Variants in VWC2L observed in about 807,000 individuals in gnomAD.
VWC2L encodes the protein von Willebrand factor C domain-containing protein 2-like.
In VWC2L, 10 loss-of-function variants were observed where a neutral mutation model predicts 21.6. That is an observed-to-expected ratio of 0.46 (90% confidence interval 0.29 to 0.78). VWC2L has a LOEUF of 0.78. Among genes scored for constraint, VWC2L ranks in the 30% least tolerant of loss-of-function variants. The probability of loss-of-function intolerance (pLI) is 0.10; values close to 1 mark genes in which losing one functional copy is unlikely to be tolerated. For missense variants in VWC2L, 209 were observed against 277.1 expected, an observed-to-expected ratio of 0.75 and a Z score of 1.74; for synonymous variants, 96 against 94.3, an observed-to-expected ratio of 1.02 and a Z score of -0.10.
At chr2:214,450,400 A>C (rs577153722) in intron 3 of VWC2L, among the ~76,000 whole-genome samples, 8 of 152,342 alleles carry the variant, frequency 5.3e-5, no homozygotes, top group African/African-American at 1.4e-4. Context: ...GTATGTGTCT[A>C]AGCACCCATG....
At chr2:214,573,242 TACACAC>T (rs139028593) in intron 3 of VWC2L, among the ~76,000 whole-genome samples, 1 of 151,036 alleles carries the variant, frequency 6.6e-6, no homozygotes, top group African/African-American at 2.4e-5. Context: ...CACATACACA[TACACAC>T]ACACACACAT....
intron 3 of VWC2L, among the ~76,000 whole-genome samples, chr2:214,447,629 G>A (rs1325858059): frequency 6.6e-6 from 1 of 152,134 alleles, no homozygotes; most frequent in Non-Finnish European, 1.5e-5. Context: ...AAGCTGTGGT[G>A]TGTTCTTCAT....
At chr2:214,433,184 T>TATATATATATATATATATATATATA (rs1559289359) in intron 2 of VWC2L, among the ~76,000 whole-genome samples, 1 of 112,262 alleles carries the variant, frequency 8.9e-6, no homozygotes, top group Non-Finnish European at 1.9e-5. Context: ...ATATATATAT[T>TATATATATATATATATATATATATA]ATATATAAAT....
chr2:214,560,088 C>A (rs1055069980), intron 3 of VWC2L, among the ~76,000 whole-genome samples: 1 of 152,154 alleles, frequency 6.6e-6, no homozygotes, highest in African/African-American at 2.4e-5. Context: ...ATTTTGTGGA[C>A]TCTTATTTAT....
intron 3 of VWC2L, among the ~76,000 whole-genome samples, chr2:214,547,401 T>C (rs1689725696): frequency 6.6e-6 from 1 of 152,134 alleles, no homozygotes; most frequent in Admixed American, 6.6e-5. Context: ...AGGGAGAATG[T>C]TCGACATATA....
At chr2:214,500,001 G>C (rs1688869183) in intron 3 of VWC2L, among the ~76,000 whole-genome samples, 1 of 152,194 alleles carries the variant, frequency 6.6e-6, no homozygotes. Context: ...GTGGATCTTT[G>C]AGTAGAAACC....
At chr2:214,563,265 A>C (rs977001707) in intron 3 of VWC2L, among the ~76,000 whole-genome samples, 9 of 152,084 alleles carry the variant, frequency 5.9e-5, no homozygotes, top group Non-Finnish European at 1.3e-4. Context: ...AAGTGGTTGT[A>C]GGCCGGGTGC....
At chr2:214,552,767 T>C (rs932016894) in intron 3 of VWC2L, among the ~76,000 whole-genome samples, 14 of 152,202 alleles carry the variant, frequency 9.2e-5, no homozygotes, top group African/African-American at 3.4e-4. Context: ...ATATTTCTCT[T>C]GAAGACTTCT....
intron 3 of VWC2L, among the ~76,000 whole-genome samples, chr2:214,534,555 T>A (rs1307406630): frequency 6.6e-6 from 1 of 152,024 alleles, no homozygotes; most frequent in African/African-American, 2.4e-5. Context: ...TCTGGGAGCA[T>A]CATCTATTCA....
chr2:214,466,702 A>G (rs528369255), intron 3 of VWC2L, among the ~76,000 whole-genome samples: 1 of 152,242 alleles, frequency 6.6e-6, no homozygotes, highest in Admixed American at 6.5e-5. Flanking sequence ...CTTTACTGCA[A>G]TATCTAACCT....
intron 3 of VWC2L, among the ~76,000 whole-genome samples, chr2:214,527,329 C>T (rs948762150): frequency 6.6e-6 from 1 of 152,094 alleles, no homozygotes; most frequent in Non-Finnish European, 1.5e-5. Flanking sequence ...CATTTGTATC[C>T]TAAACCTCAG....
chr2:214,557,478 C>T (rs1054344925), intron 3 of VWC2L, among the ~76,000 whole-genome samples: 4 of 152,078 alleles, frequency 2.6e-5, no homozygotes, highest in African/African-American at 9.7e-5. Flanking sequence ...GATGCTCTTC[C>T]ACAATATTGC....
intron 2 of VWC2L, among the ~76,000 whole-genome samples, chr2:214,433,419 A>G (rs1298180771): frequency 1.3e-5 from 2 of 151,998 alleles, no homozygotes; most frequent in Non-Finnish European, 2.9e-5. Context: ...ATAATTTCAC[A>G]TGTTCTTCTT....
chr2:214,555,384 G>A (rs1231353754), intron 3 of VWC2L, among the ~76,000 whole-genome samples: 14 of 152,100 alleles, frequency 9.2e-5, no homozygotes, highest in Admixed American at 7.2e-4. Context: ...TTCGGCCTTG[G>A]TCACTCACAT....
chr2:214,556,989 G>A (rs981654927), intron 3 of VWC2L, among the ~76,000 whole-genome samples: 2 of 152,176 alleles, frequency 1.3e-5, no homozygotes, highest in Non-Finnish European at 2.9e-5. Flanking sequence ...TACAGGGGCA[G>A]GGAGTCTTCT....
chr2:214,429,424 A>G (rs896696087), intron 2 of VWC2L, among the ~76,000 whole-genome samples: 6 of 152,158 alleles, frequency 3.9e-5, no homozygotes, highest in African/African-American at 1.4e-4. Flanking sequence ...ATTTTATATT[A>G]AATCCTCAAG....
intron 3 of VWC2L, among the ~76,000 whole-genome samples, chr2:214,452,142 G>A (rs1226158147): frequency 1.3e-5 from 2 of 152,058 alleles, no homozygotes; most frequent in East Asian, 3.9e-4. Context: ...TCTTTTGTTT[G>A]TTTTTGGCTT....
At chr2:214,550,526 C>T (rs1179129821) in intron 3 of VWC2L, among the ~76,000 whole-genome samples, 1 of 152,148 alleles carries the variant, frequency 6.6e-6, no homozygotes, top group Non-Finnish European at 1.5e-5. Context: ...CTTCCTCTTC[C>T]TTGAACCTGT....
At chr2:214,554,726 A>G (rs1172058060) in intron 3 of VWC2L, among the ~76,000 whole-genome samples, 1 of 152,214 alleles carries the variant, frequency 6.6e-6, no homozygotes, top group Non-Finnish European at 1.5e-5. Context: ...AAGCACTCAC[A>G]TTAAAAGAGA....
Sources: gnomAD v4.1 joint callset for allele counts (sites outside exome capture counted in the v4.1 genomes callset) on GRCh38, gnomAD v4.1.1 for gene constraint, MANE v1.5 for transcripts, NCBI Gene and HGNC (gene_info 2026-07-23, HGNC 2026-07-21) for gene names.